KCNIP4: variants seen among roughly 807,000 people sequenced by gnomAD.
KCNIP4 encodes Kv channel-interacting protein 4.
A neutral mutation model predicts 34.0 loss-of-function variants in KCNIP4; 12 were observed. The observed-to-expected ratio is 0.35, with a 90% CI of 0.23 to 0.57. KCNIP4 has a LOEUF of 0.57. Ranked by LOEUF, KCNIP4 falls within the 20% of genes least tolerant of loss-of-function variation. The pLI, the probability that KCNIP4 is intolerant of heterozygous loss-of-function variation, is 0.83. For missense variants in KCNIP4, 238 were observed against 311.7 expected, an observed-to-expected ratio of 0.76 and a Z score of 1.78; for synonymous variants, 124 against 102.2, an observed-to-expected ratio of 1.21 and a Z score of -1.29.
chr4:20,910,662 G>A (rs2149569653), intron 1 of KCNIP4, among the ~76,000 whole-genome samples: 1 of 152,262 alleles, frequency 6.6e-6, no homozygotes. Flanking sequence ...TTTCACGGCA[G>A]CCTCTGATTC....
intron 1 of KCNIP4, chr4:21,849,793 A>C (rs1398362887): frequency 6.6e-6 from 1 of 152,076 alleles, no homozygotes; most frequent in Non-Finnish European, 1.5e-5. Context: ...GTAATTCCCA[A>C]GTTGATAATA....
At chr4:21,485,012 T>C (rs1731786749) in intron 1 of KCNIP4, among the ~76,000 whole-genome samples, 2 of 152,182 alleles carry the variant, frequency 1.3e-5, no homozygotes, top group Non-Finnish European at 2.9e-5. Context: ...ATTTGCAAGA[T>C]ATTGATTTTC....
At chr4:21,663,689 T>C (rs1025856501) in intron 1 of KCNIP4, among the ~76,000 whole-genome samples, 3 of 152,146 alleles carry the variant, frequency 2.0e-5, no homozygotes, top group African/African-American at 7.2e-5. Context: ...TAGAACCCAA[T>C]AAGCTTCCCT....
chr4:21,119,128 C>G (rs1749927854), intron 1 of KCNIP4, among the ~76,000 whole-genome samples: 1 of 151,968 alleles, frequency 6.6e-6, no homozygotes, highest in Non-Finnish European at 1.5e-5. Flanking sequence ...TTTGGGTTGC[C>G]TACTTTGGAA....
chr4:21,240,527 C>T (rs1759730870), intron 1 of KCNIP4, among the ~76,000 whole-genome samples: 1 of 152,134 alleles, frequency 6.6e-6, no homozygotes, highest in African/African-American at 2.4e-5. Flanking sequence ...GCAAGTTACT[C>T]AGGCAAATAA....
At chr4:21,551,135 C>T (rs1193655573) in intron 1 of KCNIP4, among the ~76,000 whole-genome samples, 1 of 151,838 alleles carries the variant, frequency 6.6e-6, no homozygotes, top group Non-Finnish European at 1.5e-5. Context: ...GAATAAATTG[C>T]TGCATATAAA....
intron 1 of KCNIP4, among the ~76,000 whole-genome samples, chr4:21,117,525 A>C (rs192409088): frequency 3.1e-4 from 47 of 152,306 alleles, no homozygotes; most frequent in Admixed American, 1.2e-3. Flanking sequence ...GAAAATAATG[A>C]AACCCATTTT....
chr4:21,476,836 T>C (rs529617515), intron 1 of KCNIP4, among the ~76,000 whole-genome samples: 62 of 152,236 alleles, frequency 4.1e-4, no homozygotes, highest in African/African-American at 1.5e-3. Context: ...GTGAAATCTG[T>C]CCCTAAAATG....
At chr4:21,629,577 C>T (rs1358430747) in intron 1 of KCNIP4, among the ~76,000 whole-genome samples, 3 of 152,160 alleles carry the variant, frequency 2.0e-5, no homozygotes, top group Non-Finnish European at 1.5e-5. Flanking sequence ...AAAAATGCTA[C>T]AGTGTCCCTT....
intron 1 of KCNIP4, among the ~76,000 whole-genome samples, chr4:21,155,779 A>G (rs1325494406): frequency 1.3e-5 from 2 of 152,202 alleles, no homozygotes; most frequent in African/African-American, 4.8e-5. Flanking sequence ...GTGGACTAGC[A>G]TTTGTTAGAT....
chr4:21,474,811 A>G (rs998250517), intron 1 of KCNIP4, among the ~76,000 whole-genome samples: 4 of 151,856 alleles, frequency 2.6e-5, no homozygotes, highest in African/African-American at 9.7e-5. Flanking sequence ...CCTGGCCAAC[A>G]TGGTGAAACC....
intron 1 of KCNIP4, among the ~76,000 whole-genome samples, chr4:21,502,503 G>A (rs910945971): frequency 6.6e-6 from 1 of 152,002 alleles, no homozygotes; most frequent in South Asian, 2.1e-4. Flanking sequence ...GGTTTTTAGT[G>A]GGCACAGATT....
At chr4:20,842,581 C>CAAAAAAA (rs59134256) in intron 3 of KCNIP4, among the ~76,000 whole-genome samples, 1 of 69,692 alleles carries the variant, frequency 1.4e-5, no homozygotes, top group Non-Finnish European at 2.5e-5. Flanking sequence ...CTTCTAATGG[C>CAAAAAAA]AAAAAAAAAA....
intron 6 of KCNIP4, among the ~76,000 whole-genome samples, chr4:20,733,812 G>C (rs1172551200): frequency 6.6e-6 from 1 of 152,124 alleles, no homozygotes; most frequent in Admixed American, 6.6e-5. Flanking sequence ...TCTGGCCCCA[G>C]GTGTCCTCTG....
intron 1 of KCNIP4, among the ~76,000 whole-genome samples, chr4:21,103,958 C>A (rs1444640737): frequency 1.3e-5 from 2 of 151,988 alleles, no homozygotes; most frequent in Non-Finnish European, 2.9e-5. Flanking sequence ...TGTACATGGG[C>A]CACATTTTCT....
At chr4:21,830,605 C>G (rs1312768277) in intron 1 of KCNIP4, among the ~76,000 whole-genome samples, 1 of 152,038 alleles carries the variant, frequency 6.6e-6, no homozygotes, top group Non-Finnish European at 1.5e-5. Flanking sequence ...ACCTGGAAGC[C>G]AGAGGTTGCA....
At chr4:20,882,544 T>C in intron 2 of KCNIP4, 64 bp downstream of exon 2, 2 of 1,115,750 alleles carry the variant, frequency 1.8e-6, no homozygotes, top group Non-Finnish European at 1.3e-6. Context: ...CGGCAATGCA[T>C]GCAGGCCTAA....
intron 1 of KCNIP4, among the ~76,000 whole-genome samples, chr4:21,210,126 G>T (rs1415869128): frequency 6.6e-6 from 1 of 152,180 alleles, no homozygotes; most frequent in African/African-American, 2.4e-5. Flanking sequence ...CAACTATATT[G>T]CAGTGTCCTC....
intron 1 of KCNIP4, among the ~76,000 whole-genome samples, chr4:21,089,599 A>AT (rs1390323220): frequency 3.9e-5 from 6 of 152,180 alleles, no homozygotes; most frequent in Admixed American, 6.5e-5. Flanking sequence ...TGACTGAAAG[A>AT]CACATCCAGT....
Sources: gnomAD v4.1 joint callset for allele counts (sites outside exome capture counted in the v4.1 genomes callset) on GRCh38, gnomAD v4.1.1 for gene constraint, MANE v1.5 for transcripts, NCBI Gene and HGNC (gene_info 2026-07-23, HGNC 2026-07-21) for gene names.